Variants in AGBL4 observed in about 807,000 individuals in gnomAD.
AGBL4 encodes the protein cytosolic carboxypeptidase 6.
AGBL4 carries 58 observed loss-of-function variants against 66.4 expected under a neutral mutation model. The ratio of observed to expected loss-of-function variants is 0.87; its 90% CI spans 0.71 to 1.09. AGBL4 has a LOEUF of 1.09. AGBL4 is among the 50% of genes least tolerant of loss of function. The pLI, the probability that AGBL4 is intolerant of heterozygous loss-of-function variation, is 0.00. For missense variants in AGBL4, 579 were observed against 631.0 expected, an observed-to-expected ratio of 0.92 and a Z score of 0.88; for synonymous variants, 234 against 222.9, an observed-to-expected ratio of 1.05 and a Z score of -0.44.
intron 5 of AGBL4, among the ~76,000 whole-genome samples, chr1:48,931,816 C>G (rs975641338): frequency 6.6e-6 from 1 of 152,146 alleles, no homozygotes; most frequent in Non-Finnish European, 1.5e-5. Flanking sequence ...GCCTCTGTGG[C>G]ATTTTTTTCT....
rs1007195689 is a variant in AGBL4, at chr1:49,635,905, A to G, written c.282+61408T>C. Among the ~76,000 whole-genome samples, 25 of 152,344 alleles carry G rather than the reference A, an allele frequency of 1.6e-4. No homozygotes were observed. The South Asian group carries it at 3.5e-3, about 21-fold the overall frequency. On this transcript the variant is annotated intron_variant, in intron 3 of 13. Transcript: ENST00000371839. Reference sequence around the variant, plus strand: ...AACAGATATGCTTAAATATATGTTTACCAAAATATATGTTAATTGCAGCAC... The same window carrying G: ...AACAGATATGCTTAAATATATGTTTGCCAAAATATATGTTAATTGCAGCAC...
At chr1:48,920,612 T>C (rs1026788707) in intron 5 of AGBL4, among the ~76,000 whole-genome samples, 1 of 152,180 alleles carries the variant, frequency 6.6e-6, no homozygotes, top group East Asian at 1.9e-4. Context: ...TGCCACTTCA[T>C]GGACAAGAAA....
intron 9 of AGBL4, among the ~76,000 whole-genome samples, chr1:48,599,764 G>C (rs1360831306): frequency 6.6e-6 from 1 of 152,206 alleles, no homozygotes; most frequent in Non-Finnish European, 1.5e-5. Context: ...AGTTCTGATA[G>C]GCTCTTCACA....
chr1:49,207,141 G>A (rs1648213840), intron 4 of AGBL4, among the ~76,000 whole-genome samples: 1 of 152,040 alleles, frequency 6.6e-6, no homozygotes, highest in Non-Finnish European at 1.5e-5. Context: ...ATGGTCTCAG[G>A]AGGCTCTGGG....
At chr1:49,707,153 C>A (rs988356132) in intron 2 of AGBL4, among the ~76,000 whole-genome samples, 1 of 152,038 alleles carries the variant, frequency 6.6e-6, no homozygotes, top group Admixed American at 6.6e-5. Flanking sequence ...GTGTTAAAGT[C>A]TCCCACTATT....
intron 6 of AGBL4, among the ~76,000 whole-genome samples, chr1:48,823,092 C>T (rs903144619): frequency 6.6e-6 from 1 of 152,156 alleles, no homozygotes; most frequent in Non-Finnish European, 1.5e-5. Context: ...ACCAGACTTC[C>T]CAAGATTCTA....
intron 3 of AGBL4, among the ~76,000 whole-genome samples, chr1:49,585,881 A>T (rs1644638003): frequency 6.6e-6 from 1 of 152,110 alleles, no homozygotes; most frequent in Admixed American, 6.5e-5. Context: ...ATGAAAACCT[A>T]AGTCTTACCT....
At chr1:48,935,441 C>T (rs1046371413) in intron 5 of AGBL4, among the ~76,000 whole-genome samples, 2 of 152,098 alleles carry the variant, frequency 1.3e-5, no homozygotes, top group Admixed American at 6.5e-5. Context: ...TGTGCTCTGC[C>T]GCACTGCTGC....
chr1:49,476,410 C>CTGTATCTG (rs1646846347), intron 3 of AGBL4, among the ~76,000 whole-genome samples: 1 of 151,938 alleles, frequency 6.6e-6, no homozygotes, highest in Admixed American at 6.6e-5. Flanking sequence ...CTGTAGATGT[C>CTGTATCTG]TATTAGATAC....
intron 3 of AGBL4, among the ~76,000 whole-genome samples, chr1:49,540,449 G>C (rs1359198237): frequency 1.2e-4 from 18 of 152,144 alleles, no homozygotes; most frequent in Admixed American, 1.1e-3. Context: ...AGTTACTGTG[G>C]ATGTGTTGAT....
At chr1:49,030,820 CAAAAA>C (rs34872551) in intron 5 of AGBL4, among the ~76,000 whole-genome samples, 2 of 62,082 alleles carry the variant, frequency 3.2e-5, no homozygotes, top group Non-Finnish European at 6.6e-5. Context: ...TAAGTAGAGG[CAAAAA>C]AAAAAAAAAA....
At chr1:48,646,950 A>G (rs1645846791) in intron 8 of AGBL4, among the ~76,000 whole-genome samples, 1 of 152,192 alleles carries the variant, frequency 6.6e-6, no homozygotes, top group African/African-American at 2.4e-5. Context: ...CTACTGCATC[A>G]CACCCATATT....
At chr1:49,410,577 A>G (rs1645295775) in intron 3 of AGBL4, among the ~76,000 whole-genome samples, 1 of 152,168 alleles carries the variant, frequency 6.6e-6, no homozygotes, top group African/African-American at 2.4e-5. Context: ...TGCTGCTATC[A>G]ATTAGTCAGA....
chr1:48,559,899 C>T (rs1419153119), intron 11 of AGBL4, among the ~76,000 whole-genome samples: 1 of 152,130 alleles, frequency 6.6e-6, no homozygotes, highest in East Asian at 1.9e-4. Context: ...CAGGACCTGA[C>T]ACACAGTAAA....
chr1:49,837,932 G>C (rs1571683520), intron 2 of AGBL4, among the ~76,000 whole-genome samples: 1 of 152,172 alleles, frequency 6.6e-6, no homozygotes, highest in East Asian at 1.9e-4. Context: ...AGCAGAAGGT[G>C]GTGAGTGAAG....
chr1:49,626,390 AC>A (rs757801519), intron 3 of AGBL4, among the ~76,000 whole-genome samples: 3 of 152,174 alleles, frequency 2.0e-5, no homozygotes, highest in African/African-American at 4.8e-5. Context: ...TCTATTTCAT[AC>A]CTGTAAAGCA....
intron 3 of AGBL4, among the ~76,000 whole-genome samples, chr1:49,561,813 A>G (rs377546344): frequency 6.6e-6 from 1 of 151,994 alleles, no homozygotes; most frequent in Non-Finnish European, 1.5e-5. Flanking sequence ...AATCCTTTGG[A>G]TATATACCCA....
intron 2 of AGBL4, among the ~76,000 whole-genome samples, chr1:49,817,469 A>C (rs753665310): frequency 6.6e-6 from 1 of 152,152 alleles, no homozygotes; most frequent in Non-Finnish European, 1.5e-5. Flanking sequence ...CATCTTCTTT[A>C]AGATTTTAGG....
chr1:48,841,805 AT>A (rs1371311587), intron 6 of AGBL4, among the ~76,000 whole-genome samples: 3 of 151,940 alleles, frequency 2.0e-5, no homozygotes, highest in Admixed American at 6.6e-5. Flanking sequence ...AAGAGTCATA[AT>A]TTTTTTCTTT....
Sources: allele counts gnomAD v4.1 joint callset (sites outside exome capture counted in the v4.1 genomes callset), GRCh38; gene constraint gnomAD v4.1.1; transcripts MANE v1.5; gene names NCBI Gene and HGNC (gene_info 2026-07-23, HGNC 2026-07-21).